UBR3: variants seen among roughly 807,000 people sequenced by gnomAD.
UBR3 encodes ubiquitin protein ligase E3 component n-recognin 3, also known as E3 ubiquitin-protein ligase UBR3.
Under a neutral mutation model 243.2 loss-of-function variants are expected in UBR3, and 85 were observed. The observed-to-expected ratio is 0.35, with a 90% confidence interval of 0.29 to 0.42. The LOEUF (loss-of-function observed/expected upper bound fraction) is 0.42, where lower values mean the gene tolerates loss of function less well. UBR3 is among the 10% of genes least tolerant of loss of function. UBR3 has a pLI of 1.00. For synonymous variants in UBR3, 748 were observed against 799.8 expected, an observed-to-expected ratio of 0.94 and a Z score of 1.09; for missense variants, 1,686 against 2,300.8, an observed-to-expected ratio of 0.73 and a Z score of 5.47.
At chr2:169,917,538 A>G (rs750706953) in intron 11 of UBR3, among the ~76,000 whole-genome samples, 2 of 152,228 alleles carry the variant, frequency 1.3e-5, no homozygotes, top group African/African-American at 4.8e-5. Context: ...AGTTAGAATC[A>G]TGTATGACAT....
intron 35 of UBR3, among the ~76,000 whole-genome samples, chr2:170,065,305 G>A (rs2091538656): frequency 6.6e-6 from 1 of 151,582 alleles, no homozygotes; most frequent in Non-Finnish European, 1.5e-5. Context: ...GTGGGCGGGA[G>A]GAAGACAGTC....
intron 8 of UBR3, among the ~76,000 whole-genome samples, chr2:169,899,608 A>G (rs1218738021): frequency 2.0e-5 from 3 of 152,130 alleles, no homozygotes; most frequent in Non-Finnish European, 4.4e-5. Flanking sequence ...TGCTGCACCC[A>G]TCAACCTGTC....
At chr2:170,025,170 T>C (rs549413775) in intron 30 of UBR3, among the ~76,000 whole-genome samples, 2 of 152,272 alleles carry the variant, frequency 1.3e-5, no homozygotes, top group South Asian at 4.1e-4. Flanking sequence ...TGTGCTAGCC[T>C]AGGGGGTACA....
In UBR3 at chr2:169,886,141, A is replaced by G. The variant is rs369718294; in HGVS notation, c.1039-5024A>G. On this transcript the variant is annotated intron_variant, in intron 5 of 38. Coordinates refer to ENST00000272793, the MANE Select transcript of UBR3 (RefSeq NM_172070.4). ...CACTGCACCCCAGCCTGCGCGACAG[A>G]GTGAGACTCCGTCTCAAAAAAAAAA... Among the ~76,000 whole-genome samples the G allele has an allele frequency of 3.9e-4, 57 of 144,424 alleles. No homozygotes were observed. The East Asian group carries it at 0.011, about 27-fold the overall frequency. 94.7% of individuals were successfully genotyped at this position (144,424 alleles called of 152,430 possible). A position where few individuals can be genotyped will look rare whatever the true frequency, so the allele number is the denominator to read the frequency against.
chr2:169,893,141 A>G (rs1280852777), intron 6 of UBR3, among the ~76,000 whole-genome samples: 1 of 152,240 alleles, frequency 6.6e-6, no homozygotes, highest in Non-Finnish European at 1.5e-5. Flanking sequence ...GGAGACTGAC[A>G]TCACCTATTT....
At chr2:169,913,614 C>G (rs1012614040) in intron 10 of UBR3, among the ~76,000 whole-genome samples, 3 of 151,996 alleles carry the variant, frequency 2.0e-5, no homozygotes, top group African/African-American at 7.2e-5. Context: ...TAACATTTAC[C>G]ACTAACTATT....
intron 4 of UBR3, among the ~76,000 whole-genome samples, chr2:169,877,939 T>C (rs2083676019): frequency 6.6e-6 from 1 of 152,218 alleles, no homozygotes. Context: ...AATATTTTAG[T>C]AAACTATGGT....
intron 19 of UBR3, among the ~76,000 whole-genome samples, chr2:169,940,037 C>T (rs763654444): frequency 6.6e-6 from 1 of 151,962 alleles, no homozygotes; most frequent in Admixed American, 6.6e-5. Context: ...CTTAACATTA[C>T]CTTTTACACA....
chr2:169,889,180 C>G (rs908869326), intron 5 of UBR3, among the ~76,000 whole-genome samples: 3 of 152,276 alleles, frequency 2.0e-5, no homozygotes, highest in African/African-American at 7.2e-5. Context: ...AAGGCCAACT[C>G]AGTGGTCTGT....
chr2:169,939,379 C>T (rs757511366), intron 19 of UBR3, among the ~76,000 whole-genome samples: 8 of 151,678 alleles, frequency 5.3e-5, no homozygotes, highest in Non-Finnish European at 1.0e-4. Context: ...CTGCCTCAGC[C>T]TCCTGAGTAG....
intron 17 of UBR3, among the ~76,000 whole-genome samples, chr2:169,928,035 A>T (rs988179916): frequency 1.3e-5 from 2 of 152,210 alleles, no homozygotes; most frequent in African/African-American, 2.4e-5. Context: ...TCTTATGACT[A>T]TGTTTGGAAG....
intron 30 of UBR3, among the ~76,000 whole-genome samples, chr2:170,016,099 G>GA (rs1254496211): frequency 2.3e-5 from 2 of 86,408 alleles, no homozygotes; most frequent in Non-Finnish European, 5.8e-5. Context: ...ATATTCTTTT[G>GA]AAAAATGAAT....
intron 19 of UBR3, among the ~76,000 whole-genome samples, chr2:169,935,402 C>G (rs1410223852): frequency 6.6e-6 from 1 of 152,142 alleles, no homozygotes. Flanking sequence ...CTCTTAGTCT[C>G]AAGTGATCTT....
intron 24 of UBR3, among the ~76,000 whole-genome samples, chr2:169,977,574 G>A (rs1417673371): frequency 6.6e-6 from 1 of 152,190 alleles, no homozygotes; most frequent in Non-Finnish European, 1.5e-5. Flanking sequence ...AGGGCAGGAG[G>A]AGAAAAGGTG....
In UBR3 at chr2:170,061,105, C is replaced by T. The variant is rs763693067; in HGVS notation, c.4812C>T (p.Tyr1604=). ...KKSTCDAEKS[Y]EVLLSFVISE... ...GTACATGTGATGCAGAAAAGTCTTA[C>T]GAAGTATTACTGAGCTTTGTGATAA... Residue 1604 remains tyrosine (Y), a synonymous_variant, in exon 34 of 39, where the codon TAC becomes TAT. Coordinates refer to ENST00000272793, the MANE Select transcript of UBR3 (RefSeq NM_172070.4). The T allele has an allele frequency of 3.3e-5, 52 of 1,582,914 alleles. No homozygotes were observed. The highest frequency in any genetic ancestry group is 7.6e-5 in the Admixed American group (4 of 52,460).
intron 31 of UBR3, among the ~76,000 whole-genome samples, chr2:170,036,613 A>C (rs1181965494): frequency 2.0e-5 from 3 of 152,214 alleles, no homozygotes; most frequent in Admixed American, 6.5e-5. Flanking sequence ...AGCAAAGTTA[A>C]GTATTTTTAT....
At position 170,072,717 on chromosome 2, in the gene UBR3, T is replaced by C. The variant is rs13382336; in HGVS notation, c.5020-711T>C. On this transcript the variant is annotated intron_variant, in intron 35 of 38. Transcript: ENST00000272793. The stretch of plus-strand genomic sequence containing the variant: ...GTCAGGGAAGGCTTCCCTAGTGAGC[T>C]GGAATTTGGAGGATAATAGGAATTG... Among the ~76,000 whole-genome samples, 1,414 of 152,208 alleles carry C rather than the reference T, an allele frequency of 9.3e-3. 23 individuals are homozygous for C. The highest frequency in any genetic ancestry group is 0.032 in the African/African-American group (1,325 of 41,546).
intron 19 of UBR3, 125 bp downstream of exon 19, chr2:169,933,133 ATAAT>A: frequency 1.6e-6 from 1 of 642,068 alleles, no homozygotes; most frequent in African/African-American, 1.9e-5. Flanking sequence ...GGTGAAAATA[ATAAT>A]TTAAGGTTTA....
At chr2:170,078,566 T>C (rs2091855998) in intron 36 of UBR3, among the ~76,000 whole-genome samples, 1 of 152,232 alleles carries the variant, frequency 6.6e-6, no homozygotes. Flanking sequence ...ATCTAAAAGT[T>C]TGTAAATTTC....
Sources: allele counts gnomAD v4.1 joint callset (sites outside exome capture counted in the v4.1 genomes callset), GRCh38; gene constraint gnomAD v4.1.1; transcripts MANE v1.5; gene names NCBI Gene and HGNC (gene_info 2026-07-23, HGNC 2026-07-21).